The following KLHL3 variants were observed in gnomAD, a reference collection of about 807,000 sequenced individuals.
The protein encoded by KLHL3 is kelch-like protein 3.
KLHL3 carries 19 observed loss-of-function variants against 70.5 expected under a neutral mutation model. The observed-to-expected ratio is 0.27, with a 90% CI of 0.19 to 0.40. KLHL3 has a LOEUF of 0.40. KLHL3 is among the 10% of genes least tolerant of loss of function. The pLI, the probability that KLHL3 is intolerant of heterozygous loss-of-function variation, is 1.00. For missense variants in KLHL3, 512 were observed against 771.1 expected, an observed-to-expected ratio of 0.66 and a Z score of 3.98; for synonymous variants, 258 against 290.3, an observed-to-expected ratio of 0.89 and a Z score of 1.13.
intron 11 of KLHL3, among the ~76,000 whole-genome samples, chr5:137,634,370 A>T (rs766756052): frequency 1.3e-5 from 2 of 152,254 alleles, no homozygotes; most frequent in Non-Finnish European, 2.9e-5. Flanking sequence ...TTAAGCCATG[A>T]GCTCCTTAGA....
At chr5:137,658,915 A>C (rs1397779168) in intron 7 of KLHL3, among the ~76,000 whole-genome samples, 1 of 152,092 alleles carries the variant, frequency 6.6e-6, no homozygotes, top group Non-Finnish European at 1.5e-5. Flanking sequence ...CTCACCTAGG[A>C]CTCCATCTAA....
intron 2 of KLHL3, among the ~76,000 whole-genome samples, chr5:137,710,556 A>T (rs1752772786): frequency 6.6e-6 from 1 of 152,136 alleles, no homozygotes; most frequent in African/African-American, 2.4e-5. Context: ...CACATAGTAG[A>T]CCCTAAATTT....
chr5:137,628,681 TA>T, intron 12 of KLHL3: 1 of 306,158 alleles, frequency 3.3e-6, no homozygotes, highest in Non-Finnish European at 5.8e-6. Context: ...ATTCTGTTTT[TA>T]AAAAACATTA....
chr5:137,657,109 A>C (rs1246350306), intron 8 of KLHL3, among the ~76,000 whole-genome samples: 1 of 152,218 alleles, frequency 6.6e-6, no homozygotes, highest in Non-Finnish European at 1.5e-5. Flanking sequence ...GCAGAGGGGA[A>C]AGAAGGTCCT....
intron 6 of KLHL3, among the ~76,000 whole-genome samples, chr5:137,670,964 T>C (rs1233230592): frequency 2.4e-5 from 2 of 85,104 alleles, no homozygotes. Context: ...AGAGCGAGAC[T>C]CCACCTCAAA....
At position 137,640,275 on chromosome 5, in the gene KLHL3, C is replaced by T. The variant is rs11743586; in HGVS notation, c.904-298G>A. ...AGGGCATCATCTGTAATCTCAGTGC[C>T]CTCAGATTGGGAATGGGGGGTGCTA... is the stretch of plus-strand genomic sequence containing the variant. On this transcript the variant is annotated intron_variant, in intron 8 of 14. Coordinates refer to ENST00000309755, the MANE Select transcript of KLHL3 (RefSeq NM_017415.3). Among the ~76,000 whole-genome samples, 33,095 of 152,168 alleles carry T rather than the reference C, an allele frequency of 0.22. 4,521 individuals carry two copies. The highest frequency in any genetic ancestry group is 0.32 in the Middle Eastern group (93 of 294).
intron 6 of KLHL3, among the ~76,000 whole-genome samples, chr5:137,676,753 C>T (rs1180807842): frequency 6.6e-6 from 1 of 152,166 alleles, no homozygotes; most frequent in Admixed American, 6.5e-5. Context: ...GGTCACATAA[C>T]TAATTTGTAA....
intron 8 of KLHL3, among the ~76,000 whole-genome samples, chr5:137,648,573 C>T (rs1379002615): frequency 6.6e-6 from 1 of 152,206 alleles, no homozygotes; most frequent in Non-Finnish European, 1.5e-5. Flanking sequence ...AACCCAGCCT[C>T]AGGAAAAGTG....
intron 2 of KLHL3, among the ~76,000 whole-genome samples, chr5:137,714,808 G>C (rs763551854): frequency 5.9e-5 from 9 of 152,060 alleles, no homozygotes; most frequent in Non-Finnish European, 1.0e-4. Flanking sequence ...TGATAAAACT[G>C]TTACCAAAAG....
intron 1 of KLHL3, among the ~76,000 whole-genome samples, chr5:137,732,975 C>A (rs555694208): frequency 6.6e-6 from 1 of 152,234 alleles, no homozygotes; most frequent in East Asian, 1.9e-4. Flanking sequence ...TAATTAATAG[C>A]CTTTCAAGGT....
intron 8 of KLHL3, among the ~76,000 whole-genome samples, chr5:137,647,914 AC>A (rs1458575848): frequency 6.6e-6 from 1 of 152,206 alleles, no homozygotes; most frequent in Non-Finnish European, 1.5e-5. Flanking sequence ...AAGACATTGA[AC>A]CTTGCTAAGC....
chr5:137,727,174 C>T (rs1753097694), intron 1 of KLHL3, among the ~76,000 whole-genome samples: 3 of 152,092 alleles, frequency 2.0e-5, no homozygotes, highest in Admixed American at 2.0e-4. Context: ...AACCAACCAC[C>T]CAATCACCTA....
intron 6 of KLHL3, among the ~76,000 whole-genome samples, chr5:137,669,869 G>A (rs1163276700): frequency 6.6e-6 from 1 of 152,236 alleles, no homozygotes; most frequent in African/African-American, 2.4e-5. Flanking sequence ...GGGCAGCTGA[G>A]TGGAAATTGA....
chr5:137,724,417 C>T (rs1321533647), intron 1 of KLHL3, among the ~76,000 whole-genome samples: 2 of 152,202 alleles, frequency 1.3e-5, no homozygotes, highest in Non-Finnish European at 2.9e-5. Context: ...TTGCTCTTTG[C>T]ACTTTCCAGA....
At position 137,639,261 on chromosome 5, in the gene KLHL3, T is replaced by C; in HGVS notation, c.1022-111A>G. ...ACACAGGAAAAGTCGCCACCGAAGA[T>C]ACTTTAGGTATTTGGCAGTCATTAT... On this transcript the variant is annotated intron_variant, in intron 9 of 14. Coordinates refer to ENST00000309755, the MANE Select transcript of KLHL3 (RefSeq NM_017415.3). This position sits in a 1 kb window ranked among gnomAD's most constrained non-coding sequence, Gnocchi z 5.0. 1 of 962,128 alleles carries C rather than the reference T, an allele frequency of 1.0e-6. No individual in the cohort carries two copies. The allele number at this position is 962,128 out of a possible 1,614,324, so 59.6% of individuals were successfully genotyped here.
Position 137,628,732 on chromosome 5 carries a change from G to T in KLHL3, c.1451-295C>A, listed in dbSNP as rs12173112. ...ATATATACACACACACAGACAGACAGACATACATACATACATACATACATA... is the reference window on the plus strand; with the variant it reads ...ATATATACACACACACAGACAGACATACATACATACATACATACATACATA... On this transcript the variant is annotated intron_variant, in intron 12 of 14. Transcript: ENST00000309755. 0.74 allele frequency: 100,862 copies of T among 136,724 alleles called. 33,937 individuals carry two copies. The highest frequency in any genetic ancestry group is 0.79 in the Non-Finnish European group (53,740 of 67,890). 8.5% of individuals were successfully genotyped at this position (136,724 alleles called of 1,614,324 possible).
chr5:137,698,503 A>T, intron 3 of KLHL3, 95 bp from the exon 4 acceptor site: 1 of 1,454,626 alleles, frequency 6.9e-7, no homozygotes, highest in African/African-American at 1.4e-5. Context: ...GAAACATAAA[A>T]GCACTTCCTG....
At chr5:137,723,640 C>A (rs1346000967) in intron 1 of KLHL3, among the ~76,000 whole-genome samples, 1 of 152,154 alleles carries the variant, frequency 6.6e-6, no homozygotes, top group East Asian at 1.9e-4. Context: ...AATTAGGTGT[C>A]CTATGTAGAC....
At chr5:137,711,960 C>A (rs1485129166) in intron 2 of KLHL3, among the ~76,000 whole-genome samples, 1 of 151,444 alleles carries the variant, frequency 6.6e-6, no homozygotes, top group Non-Finnish European at 1.5e-5. Flanking sequence ...TTGAGACCAG[C>A]CTTGCCAACA....
Sources: allele counts gnomAD v4.1 joint callset (sites outside exome capture counted in the v4.1 genomes callset), GRCh38; gene constraint gnomAD v4.1.1; non-coding constraint Gnocchi (gnomAD v3.1); transcripts MANE v1.5; gene names NCBI Gene and HGNC (gene_info 2026-07-23, HGNC 2026-07-21).